The following RAB11FIP4 variants were observed in gnomAD, a reference collection of about 807,000 sequenced individuals.
The protein encoded by RAB11FIP4 is rab11 family-interacting protein 4.
RAB11FIP4 carries 23 observed loss-of-function variants against 74.3 expected under a neutral mutation model. That is an observed-to-expected ratio of 0.31 (90% CI 0.22 to 0.44). The LOEUF (loss-of-function observed/expected upper bound fraction) is 0.44, where lower values mean the gene tolerates loss of function less well. Ranked by LOEUF, RAB11FIP4 falls within the 20% of genes least tolerant of loss-of-function variation. The pLI is 1.00. For missense variants in RAB11FIP4, 630 were observed against 863.9 expected, an observed-to-expected ratio of 0.73 and a Z score of 3.39; for synonymous variants, 360 against 359.9, an observed-to-expected ratio of 1.00 and a Z score of 0.00.
At chr17:31,441,459 G>A (rs966362196) in intron 3 of RAB11FIP4, among the ~76,000 whole-genome samples, 1 of 152,052 alleles carries the variant, frequency 6.6e-6, no homozygotes, top group Non-Finnish European at 1.5e-5. Context: ...CTGATGTATA[G>A]GATAGGTTTT....
chr17:31,493,822 G>A lies in RAB11FIP4; in HGVS notation c.337-23829G>A, dbSNP rs140156304. ...GGCAGGCAGCAGCATGGTTCTGTGG[G>A]GTCCTAAGGACCCCAGGGAGTCACT... On this transcript the variant is annotated intron_variant, in intron 3 of 14. Transcript: ENST00000621161. Among the ~76,000 whole-genome samples the A allele has an allele frequency of 5.2e-3, 785 of 152,214 alleles. 5 individuals are homozygous for A. The highest frequency in any genetic ancestry group is 0.018 in the African/African-American group (734 of 41,518).
At position 31,521,274 on chromosome 17, in the gene RAB11FIP4, T is replaced by A; in HGVS notation, c.672T>A (p.Asp224Glu). The A allele has an allele frequency of 6.2e-7, 1 of 1,614,058 alleles. No homozygotes were observed. The highest frequency in any genetic ancestry group is 8.5e-7 in the Non-Finnish European group (1 of 1,179,962). ...EQFEDYGEGD[D>E]VDCAPSSPCP... ...TTGAAGACTATGGGGAGGGTGACGA[T>A]GTGGACTGTGCCCCCAGCAGCCCTT... The change falls in exon 5 of 15, where the codon GAT (aspartate) becomes GAA (glutamate). Residue 224 changes from aspartate to glutamate, a missense_variant. Asp to Glu is a conservative substitution (Grantham distance 45). Transcript: ENST00000621161.
intron 1 of RAB11FIP4, among the ~76,000 whole-genome samples, chr17:31,419,301 G>A (rs1396641856): frequency 6.8e-6 from 1 of 147,762 alleles, no homozygotes; most frequent in Non-Finnish European, 1.5e-5. Context: ...TTTTTTTTTG[G>A]TATCATGAAT....
At chr17:31,424,251 T>C (rs2071225857) in intron 1 of RAB11FIP4, among the ~76,000 whole-genome samples, 1 of 152,172 alleles carries the variant, frequency 6.6e-6, no homozygotes, top group African/African-American at 2.4e-5. Context: ...TTTTATGTCT[T>C]CTGTCAGGGT....
chr17:31,488,459 G>T, intron 3 of RAB11FIP4: 1 of 609,432 alleles, frequency 1.6e-6, no homozygotes, highest in Non-Finnish European at 2.1e-6. Flanking sequence ...TCCTTCCCCA[G>T]CGCAGTTCCA....
intron 3 of RAB11FIP4, among the ~76,000 whole-genome samples, chr17:31,465,156 A>C (rs1483735961): frequency 1.3e-5 from 2 of 152,074 alleles, no homozygotes; most frequent in Admixed American, 6.6e-5. Flanking sequence ...CAGAGCCTGG[A>C]ACTTCCCAAG....
At chr17:31,531,356 T>G (rs531142940) in intron 14 of RAB11FIP4, among the ~76,000 whole-genome samples, 7 of 152,294 alleles carry the variant, frequency 4.6e-5, no homozygotes, top group Admixed American at 3.3e-4. Flanking sequence ...TACCCACACC[T>G]GGGCCCCCTC....
At chr17:31,446,011 T>C (rs2071460318) in intron 3 of RAB11FIP4, among the ~76,000 whole-genome samples, 1 of 151,910 alleles carries the variant, frequency 6.6e-6, no homozygotes, top group Non-Finnish European at 1.5e-5. Context: ...GCTTTTTTTT[T>C]CTTTTCTTTC....
At chr17:31,411,342 C>T (rs1029274113) in intron 1 of RAB11FIP4, among the ~76,000 whole-genome samples, 1 of 152,132 alleles carries the variant, frequency 6.6e-6, no homozygotes, top group Non-Finnish European at 1.5e-5. Flanking sequence ...CCAGCCTGGG[C>T]GACAGAGTGC....
chr17:31,392,911 T>C (rs545526130), intron 1 of RAB11FIP4, among the ~76,000 whole-genome samples: 1 of 152,298 alleles, frequency 6.6e-6, no homozygotes, highest in South Asian at 2.1e-4. Flanking sequence ...CAAGGCCATC[T>C]AAGGCCTCAG....
rs959160245 is a variant in RAB11FIP4 at position 31,521,903 on chromosome 17, C to G, written c.759-12C>G. On this transcript the variant is annotated splice_polypyrimidine_tract_variant and intron_variant, in intron 5 of 14. Transcript: ENST00000621161. ...GCAGTTAAGGTGGTGATTCCTTTCC[C>G]TCATGAATCAGTGCGGGGCAGACGC... 3 of 1,613,950 alleles carry G rather than the reference C, an allele frequency of 1.9e-6. No homozygotes were observed. Among genetic ancestry groups the G allele is most frequent in the Admixed American group, 1.7e-5 (1 of 59,988 alleles).
At chr17:31,496,941 G>A (rs1419423393) in intron 3 of RAB11FIP4, among the ~76,000 whole-genome samples, 1 of 152,196 alleles carries the variant, frequency 6.6e-6, no homozygotes, top group East Asian at 1.9e-4. Flanking sequence ...CCAGCCCTGC[G>A]ACCTTTCACG....
intron 1 of RAB11FIP4, among the ~76,000 whole-genome samples, chr17:31,424,576 A>ATTTTTT (rs71142050): frequency 8.0e-6 from 1 of 124,586 alleles, no homozygotes; most frequent in Admixed American, 8.5e-5. Context: ...CACCCAGCTA[A>ATTTTTT]TTTTTTTTTT....
intron 3 of RAB11FIP4, chr17:31,448,496 C>T (rs2071492339): frequency 6.6e-6 from 1 of 150,648 alleles, no homozygotes; most frequent in Non-Finnish European, 1.5e-5. Context: ...CCTCCCAAGG[C>T]ACTGGGATTA....
intron 1 of RAB11FIP4, among the ~76,000 whole-genome samples, chr17:31,403,223 T>C (rs2071010779): frequency 6.6e-6 from 1 of 151,950 alleles, no homozygotes; most frequent in Non-Finnish European, 1.5e-5. Context: ...ACCAAAGTCT[T>C]CTGCAGCCAC....
intron 10 of RAB11FIP4, 34 bp downstream of exon 10, chr17:31,525,264 G>C (rs1004796457): frequency 4.6e-6 from 7 of 1,525,964 alleles, no homozygotes; most frequent in South Asian, 1.2e-5. Context: ...TCCCTCAGAG[G>C]GACCCCCTGT....
intron 3 of RAB11FIP4, among the ~76,000 whole-genome samples, chr17:31,482,585 TAAAAGAAAAAAAAAGAAAAAAAAAAG>T (rs970820228): frequency 1.4e-5 from 2 of 142,742 alleles, no homozygotes; most frequent in African/African-American, 5.2e-5. Context: ...AGGGAGACTC[TAAAAGAAAAAAAAAGAAAAAAAAAAG>T]AAAAGAAAAA....
intron 1 of RAB11FIP4, among the ~76,000 whole-genome samples, chr17:31,395,832 T>G (rs2070923902): frequency 6.6e-6 from 1 of 152,164 alleles, no homozygotes; most frequent in Non-Finnish European, 1.5e-5. Flanking sequence ...TATTTATGGA[T>G]TAGGTTAGTC....
chr17:31,414,208 C>T (rs1182224329), intron 1 of RAB11FIP4, among the ~76,000 whole-genome samples: 3 of 152,174 alleles, frequency 2.0e-5, no homozygotes, highest in Non-Finnish European at 4.4e-5. Flanking sequence ...CTGGGAGCCA[C>T]GCTACCCTGC....
Sources: gnomAD v4.1 joint callset for allele counts (sites outside exome capture counted in the v4.1 genomes callset) on GRCh38, gnomAD v4.1.1 for gene constraint, MANE v1.5 for transcripts, NCBI Gene and HGNC (gene_info 2026-07-23, HGNC 2026-07-21) for gene names.